Variants in PRKG1 observed in about 807,000 individuals in gnomAD.
PRKG1 encodes the protein protein kinase cGMP-dependent 1.
PRKG1 carries 35 observed loss-of-function variants against 88.1 expected under a neutral mutation model. The observed-to-expected ratio is 0.40, with a 90% confidence interval of 0.30 to 0.53. The LOEUF (loss-of-function observed/expected upper bound fraction) is 0.53, where lower values mean the gene tolerates loss of function less well. PRKG1 is among the 20% of genes least tolerant of loss of function. The pLI, the probability that PRKG1 is intolerant of heterozygous loss-of-function variation, is 0.59. For missense variants in PRKG1, 540 were observed against 839.8 expected (o/e 0.64, Z 4.41); for synonymous variants, 303 against 292.5 (o/e 1.04, Z -0.37).
chr10:51,190,926 A>G (rs1196760827), intron 2 of PRKG1, among the ~76,000 whole-genome samples: 2 of 151,836 alleles, frequency 1.3e-5, no homozygotes, highest in African/African-American at 2.4e-5. Context: ...CATGTTATGG[A>G]TGAACAATAA....
intron 7 of PRKG1, among the ~76,000 whole-genome samples, chr10:52,115,657 T>A (rs1411876688): frequency 6.6e-6 from 1 of 152,158 alleles, no homozygotes; most frequent in Non-Finnish European, 1.5e-5. Flanking sequence ...TGATTTGTTG[T>A]CACTGTGCTC....
intron 9 of PRKG1, among the ~76,000 whole-genome samples, chr10:52,216,266 A>T (rs1043805940): frequency 1.3e-5 from 2 of 152,210 alleles, no homozygotes; most frequent in South Asian, 4.1e-4. Flanking sequence ...AATCAAAAAA[A>T]TTATGCATGG....
chr10:51,024,987 A>G (rs1030869956), intron 1 of PRKG1, among the ~76,000 whole-genome samples: 1 of 152,134 alleles, frequency 6.6e-6, no homozygotes, highest in Admixed American at 6.6e-5. Flanking sequence ...TGTGTGCCAT[A>G]CCATGGCTCA....
At chr10:52,229,874 T>C (rs1207571257) in intron 9 of PRKG1, among the ~76,000 whole-genome samples, 2 of 152,290 alleles carry the variant, frequency 1.3e-5, no homozygotes, top group East Asian at 3.9e-4. Flanking sequence ...AAAGGGAGCC[T>C]TCACCTACCC....
intron 2 of PRKG1, among the ~76,000 whole-genome samples, chr10:51,455,127 T>G (rs953799084): frequency 6.6e-6 from 1 of 152,234 alleles, no homozygotes; most frequent in African/African-American, 2.4e-5. Context: ...ACATGGAAGC[T>G]GCCAAGGCTT....
chr10:52,124,962 C>G (rs1847898591), intron 7 of PRKG1, among the ~76,000 whole-genome samples: 1 of 152,052 alleles, frequency 6.6e-6, no homozygotes, highest in Non-Finnish European at 1.5e-5. Flanking sequence ...CTGTTATCTT[C>G]TATAACAATG....
chr10:51,583,581 A>G (rs747232921), intron 3 of PRKG1, among the ~76,000 whole-genome samples: 23 of 152,142 alleles, frequency 1.5e-4, no homozygotes, highest in Admixed American at 3.9e-4. Context: ...ACACTTCAGC[A>G]TTCTATCTAG....
intron 9 of PRKG1, among the ~76,000 whole-genome samples, chr10:52,222,394 T>C (rs1189483864): frequency 6.6e-6 from 1 of 152,184 alleles, no homozygotes; most frequent in African/African-American, 2.4e-5. Flanking sequence ...CCTACTATAA[T>C]GACATGAATT....
In PRKG1 at chr10:51,522,240, G is replaced by C. The variant is rs61369320; in HGVS notation, c.592+54404G>C. 9.9e-3 allele frequency among the ~76,000 whole-genome samples: 1,504 copies of C among 152,254 alleles called. 40 individuals are homozygous for C. The highest frequency in any genetic ancestry group is 0.035 in the African/African-American group (1,446 of 41,560). On this transcript the variant is annotated intron_variant, in intron 3 of 17. Coordinates refer to ENST00000373980, the MANE Select transcript of PRKG1 (RefSeq NM_006258.4). The stretch of plus-strand genomic sequence containing the variant: ...TGAAGACCATGTAGAATATGATCAT[G>C]TTTTGTGTTTGACACATTTTCCCAA...
intron 1 of PRKG1, among the ~76,000 whole-genome samples, chr10:51,125,619 T>C (rs1845376371): frequency 6.7e-6 from 1 of 149,214 alleles, no homozygotes; most frequent in South Asian, 2.1e-4. Context: ...GAGGCAGAGG[T>C]TACAGTGAGC....
At chr10:51,701,668 T>A (rs1841470802) in intron 3 of PRKG1, among the ~76,000 whole-genome samples, 1 of 152,220 alleles carries the variant, frequency 6.6e-6, no homozygotes, top group African/African-American at 2.4e-5. Context: ...AAGGCATACC[T>A]TTTTTATACA....
At chr10:52,227,175 A>G (rs750174437) in intron 9 of PRKG1, among the ~76,000 whole-genome samples, 2 of 152,144 alleles carry the variant, frequency 1.3e-5, no homozygotes, top group Non-Finnish European at 2.9e-5. Flanking sequence ...CCATCACATT[A>G]TTTTTAAGGT....
chr10:51,675,759 C>T (rs754925062), intron 3 of PRKG1, among the ~76,000 whole-genome samples: 6 of 152,030 alleles, frequency 3.9e-5, no homozygotes, highest in South Asian at 2.1e-4. Flanking sequence ...TCCTGGGGCC[C>T]CATGTAATAT....
Position 50,997,063 on chromosome 10 carries a change from A to G in PRKG1, c.266+5419A>G, listed in dbSNP as rs530634644. 2.6e-5 allele frequency among the ~76,000 whole-genome samples: 4 copies of G among 152,290 alleles called. No individual in the cohort carries two copies. The South Asian group carries it at 8.3e-4, about 32-fold the overall frequency. ...CATACATGCTTTCAGTCAAGGCTGT[A>G]CAGGAGGTGGTAGTGTCTTGATTTT... On this transcript the variant is annotated intron_variant, in intron 1 of 17. Coordinates refer to the PRKG1 transcript ENST00000401604.
At chr10:51,158,094 C>T (rs1323638310) in intron 2 of PRKG1, among the ~76,000 whole-genome samples, 1 of 151,844 alleles carries the variant, frequency 6.6e-6, no homozygotes, top group Non-Finnish European at 1.5e-5. Flanking sequence ...TACAATCCTA[C>T]AGAATACTAG....
At chr10:52,141,762 T>C (rs1360112165) in intron 8 of PRKG1, among the ~76,000 whole-genome samples, 9 of 152,052 alleles carry the variant, frequency 5.9e-5, no homozygotes, top group East Asian at 1.9e-4. Context: ...AAAATGTATA[T>C]GGTAAGTGGA....
intron 3 of PRKG1, among the ~76,000 whole-genome samples, chr10:51,478,869 T>C (rs937441919): frequency 8.6e-5 from 13 of 151,802 alleles, no homozygotes; most frequent in African/African-American, 3.1e-4. Context: ...TCTGAAATGC[T>C]AAATATCTTC....
intron 2 of PRKG1, among the ~76,000 whole-genome samples, chr10:51,330,671 TTTGAC>T (rs1841716855): frequency 2.0e-5 from 3 of 152,002 alleles, no homozygotes; most frequent in Admixed American, 2.0e-4. Flanking sequence ...AAGATTTCTG[TTTGAC>T]TTTTTTCAAA....
Position 51,074,652 on chromosome 10 carries a change from G to A in PRKG1, c.62G>A (p.Arg21Gln). 1 of 1,614,096 alleles carries A rather than the reference G, an allele frequency of 6.2e-7. No homozygotes were observed. Among genetic ancestry groups the A allele is most frequent in the Non-Finnish European group, 8.5e-7 (1 of 1,179,988 alleles). Residue 21 changes from arginine (R) to glutamine (Q), a missense_variant, in exon 1 of 18, where the codon CGG becomes CAG. Arg to Gln is a conservative substitution (Grantham distance 43, BLOSUM62 1). Coordinates refer to ENST00000373980, the MANE Select transcript of PRKG1 (RefSeq NM_006258.4). ...LQEKIEELRQRDALIDELELE... is the reference protein window; with the variant it reads ...LQEKIEELRQQDALIDELELE... ...GAGAAGATCGAGGAGCTGAGGCAGCGGGATGCTCTCATCGACGAGCTGGAG... is the reference window on the plus strand; with the variant it reads ...GAGAAGATCGAGGAGCTGAGGCAGCAGGATGCTCTCATCGACGAGCTGGAG...
Sources: gnomAD v4.1 joint callset for allele counts (sites outside exome capture counted in the v4.1 genomes callset) on GRCh38, gnomAD v4.1.1 for gene constraint, MANE v1.5 for transcripts, NCBI Gene and HGNC (gene_info 2026-07-23, HGNC 2026-07-21) for gene names.